NXN: variants seen among roughly 807,000 people sequenced by gnomAD.
NXN encodes nucleoredoxin.
Under a neutral mutation model 48.6 loss-of-function variants are expected in NXN, and 16 were observed. The ratio of observed to expected loss-of-function variants is 0.33; its 90% CI spans 0.22 to 0.50. NXN has a LOEUF of 0.50. Among genes scored for constraint, NXN ranks in the 20% least tolerant of loss-of-function variants. NXN has a pLI of 0.98. For synonymous variants in NXN, 281 were observed against 269.6 expected (o/e 1.04, Z -0.41); for missense variants, 492 against 605.5 (o/e 0.81, Z 1.97).
intron 5 of NXN, among the ~76,000 whole-genome samples, chr17:816,849 G>C (rs560439131): frequency 1.3e-5 from 2 of 152,228 alleles, no homozygotes; most frequent in South Asian, 4.2e-4. Context: ...CAGCTATTCA[G>C]GACCACTGGC....
intron 1 of NXN, chr17:896,862 C>CGG: frequency 1.7e-6 from 1 of 576,056 alleles, no homozygotes; most frequent in Non-Finnish European, 2.7e-6. Flanking sequence ...TGACCACCCG[C>CGG]CCCCGGCCCC....
At chr17:911,626 G>A (rs1014138740) in intron 1 of NXN, among the ~76,000 whole-genome samples, 5 of 151,772 alleles carry the variant, frequency 3.3e-5, no homozygotes, top group African/African-American at 9.7e-5. Context: ...ACCACACCCG[G>A]CTAATTTTTG....
At chr17:873,493 C>CAAAAAAAAACAAA (rs2068181933) in intron 1 of NXN, among the ~76,000 whole-genome samples, 1 of 74,982 alleles carries the variant, frequency 1.3e-5, no homozygotes, top group African/African-American at 4.9e-5. Flanking sequence ...ACACTGTCTC[C>CAAAAAAAAACAAA]AAAAAAAAAA....
At chr17:967,670 C>A (rs2150636062) in intron 1 of NXN, among the ~76,000 whole-genome samples, 1 of 152,280 alleles carries the variant, frequency 6.6e-6, no homozygotes, top group Non-Finnish European at 1.5e-5. Flanking sequence ...ATACAGCTAC[C>A]AAATGTAATG....
At chr17:947,459 G>C (rs946278920) in intron 1 of NXN, among the ~76,000 whole-genome samples, 2 of 151,518 alleles carry the variant, frequency 1.3e-5, no homozygotes, top group Non-Finnish European at 2.9e-5. Flanking sequence ...AGGGCTCGGC[G>C]TGGTGGCTCA....
At chr17:866,496 C>T (rs951419770) in intron 1 of NXN, among the ~76,000 whole-genome samples, 1 of 152,100 alleles carries the variant, frequency 6.6e-6, no homozygotes, top group Non-Finnish European at 1.5e-5. Flanking sequence ...CCCTTGTACC[C>T]AGGAGGCGGA....
chr17:916,200 T>C (rs1335913676), intron 1 of NXN, among the ~76,000 whole-genome samples: 1 of 152,070 alleles, frequency 6.6e-6, no homozygotes, highest in African/African-American at 2.4e-5. Flanking sequence ...GCAACAGAAA[T>C]GGAGGCAGAA....
At chr17:848,376 G>C (rs2067888201) in intron 1 of NXN, among the ~76,000 whole-genome samples, 1 of 152,116 alleles carries the variant, frequency 6.6e-6, no homozygotes, top group South Asian at 2.1e-4. Flanking sequence ...CCTGACCTCA[G>C]GTGATCTGCC....
chr17:951,858 G>A (rs1199784662), intron 1 of NXN, among the ~76,000 whole-genome samples: 1 of 152,190 alleles, frequency 6.6e-6, no homozygotes, highest in East Asian at 1.9e-4. Flanking sequence ...CAATGAGCTC[G>A]GCACACTCAG....
At chr17:805,332 T>C (rs1911434337) in intron 5 of NXN, 85 bp from the exon 6 acceptor site, 1 of 1,427,056 alleles carries the variant, frequency 7.0e-7, no homozygotes, top group Non-Finnish European at 9.4e-7. Context: ...CAGCCCGGGG[T>C]CCCCCCGACC....
chr17:802,849 C>T (rs1047244636), intron 7 of NXN, among the ~76,000 whole-genome samples: 3 of 148,862 alleles, frequency 2.0e-5, no homozygotes, highest in East Asian at 2.0e-4. Flanking sequence ...CCAAACACAG[C>T]GTGAAATCAG....
chr17:844,593 T>TC (rs1328462592), intron 1 of NXN, among the ~76,000 whole-genome samples: 1 of 152,174 alleles, frequency 6.6e-6, no homozygotes, highest in Non-Finnish European at 1.5e-5. Context: ...TTCTTTTTTT[T>TC]CTTTTTTTTG....
intron 1 of NXN, among the ~76,000 whole-genome samples, chr17:924,434 A>T (rs1173399550): frequency 2.0e-5 from 3 of 152,250 alleles, no homozygotes; most frequent in South Asian, 2.1e-4. Flanking sequence ...ATGGGGTTTC[A>T]CCATGTTGGC....
rs116709538 is a variant in NXN, at chr17:900,526, C to T, written c.361-74448G>A. ...AGGAAATCTCTTTCCTCCCAGGAGG[C>T]TGCTGGCAAACCATGGCATCAGGAT... On this transcript the variant is annotated intron_variant, in intron 1 of 7. Transcript: ENST00000336868. 9.3e-3 allele frequency among the ~76,000 whole-genome samples: 1,418 copies of T among 152,180 alleles called. 20 individuals carry two copies. Among genetic ancestry groups the T allele is most frequent in the African/African-American group, 0.032 (1,346 of 41,540 alleles).
intron 1 of NXN, among the ~76,000 whole-genome samples, chr17:953,061 G>A (rs111669255): frequency 2.0e-5 from 3 of 152,298 alleles, no homozygotes; most frequent in African/African-American, 7.2e-5. Context: ...CTGGAATCCA[G>A]TGAGGGGCTC....
rs554956246 is a variant in NXN at position 843,053 on chromosome 17, A to C, written c.361-16975T>G. Among the ~76,000 whole-genome samples the C allele has an allele frequency of 6.6e-3, 774 of 117,044 alleles. 8 individuals are homozygous for C. Among genetic ancestry groups the C allele is most frequent in the African/African-American group, 0.028 (716 of 25,934 alleles). The allele number at this position is 117,044 out of a possible 152,430, so 76.8% of individuals were successfully genotyped here. On this transcript the variant is annotated intron_variant, in intron 1 of 7. Coordinates refer to ENST00000336868, the MANE Select transcript of NXN (RefSeq NM_022463.5). ...GAAAGAAAGAAAGAAAGAAAGAAAG[A>C]AAGAAGGAAGAAAGCAAGCAAGCAA...
intron 1 of NXN, among the ~76,000 whole-genome samples, chr17:828,768 C>T (rs1456891701): frequency 2.0e-5 from 3 of 152,112 alleles, no homozygotes; most frequent in Non-Finnish European, 4.4e-5. Flanking sequence ...ATTAAACATC[C>T]TTAAGAGGTT....
chr17:939,919 A>G (rs1467745208), intron 1 of NXN, among the ~76,000 whole-genome samples: 2 of 151,356 alleles, frequency 1.3e-5, no homozygotes, highest in Non-Finnish European at 2.9e-5. Context: ...GGGAGAGTGC[A>G]GTCAACTCCC....
intron 1 of NXN, among the ~76,000 whole-genome samples, chr17:865,250 C>CT (rs11428807): frequency 0.94 from 141,521 of 149,876 alleles, 66,834 homozygotes; most frequent in Middle Eastern, 0.99. Context: ...TGGAGTTACA[C>CT]TTTTTTTTTT....
Sources: allele counts gnomAD v4.1 joint callset (sites outside exome capture counted in the v4.1 genomes callset), GRCh38; gene constraint gnomAD v4.1.1; transcripts MANE v1.5; gene names NCBI Gene and HGNC (gene_info 2026-07-23, HGNC 2026-07-21).